Variants in DPP6 observed in about 807,000 individuals in gnomAD.
DPP6 encodes the protein A-type potassium channel modulatory protein DPP6.
A neutral mutation model predicts 122.6 loss-of-function variants in DPP6; 69 were observed. The ratio of observed to expected loss-of-function variants is 0.56; its 90% CI spans 0.46 to 0.69. The LOEUF (loss-of-function observed/expected upper bound fraction) is 0.69. DPP6 is among the 30% of genes least tolerant of loss of function. DPP6 has a pLI of 0.00. For missense variants in DPP6, 928 were observed against 1,116.9 expected (o/e 0.83, Z 2.41); for synonymous variants, 418 against 433.1 (o/e 0.97, Z 0.43).
At chr7:154,100,930 C>T (rs1424417337) in intron 1 of DPP6, among the ~76,000 whole-genome samples, 1 of 143,978 alleles carries the variant, frequency 6.9e-6, no homozygotes, top group African/African-American at 2.5e-5. Flanking sequence ...GCCTGCCCTT[C>T]CTCGTCAAGA....
At chr7:154,042,169 C>G (rs1328612865) in intron 1 of DPP6, among the ~76,000 whole-genome samples, 1 of 152,112 alleles carries the variant, frequency 6.6e-6, no homozygotes, top group Non-Finnish European at 1.5e-5. Context: ...GGGGAGGGGT[C>G]CCTCCTCTGA....
At chr7:154,469,526 A>G (rs945626939) in intron 2 of DPP6, among the ~76,000 whole-genome samples, 2 of 152,186 alleles carry the variant, frequency 1.3e-5, no homozygotes, top group African/African-American at 2.4e-5. Flanking sequence ...ATGGTGAACA[A>G]TCTGCCAGTG....
At chr7:154,541,125 T>A (rs1828690737) in intron 4 of DPP6, among the ~76,000 whole-genome samples, 1 of 152,174 alleles carries the variant, frequency 6.6e-6, no homozygotes, top group Non-Finnish European at 1.5e-5. Flanking sequence ...AAACTTGTTT[T>A]CCCAAATATA....
chr7:154,019,546 A>G (rs1463635804), intron 1 of DPP6, among the ~76,000 whole-genome samples: 2 of 151,900 alleles, frequency 1.3e-5, no homozygotes, highest in African/African-American at 2.4e-5. Context: ...TAATGCACAC[A>G]GTGTAACTAG....
intron 8 of DPP6, among the ~76,000 whole-genome samples, chr7:154,744,524 T>A (rs1051366496): frequency 6.6e-6 from 1 of 152,212 alleles, no homozygotes. Context: ...GGATTCGCAG[T>A]GTGTGATATG....
intron 12 of DPP6, among the ~76,000 whole-genome samples, chr7:154,800,289 A>T (rs1362152200): frequency 6.6e-6 from 1 of 152,236 alleles, no homozygotes; most frequent in Non-Finnish European, 1.5e-5. Flanking sequence ...TTCTCTGGGC[A>T]TATCATATCT....
intron 12 of DPP6, among the ~76,000 whole-genome samples, chr7:154,800,741 C>T (rs1798310984): frequency 2.0e-5 from 3 of 152,156 alleles, no homozygotes; most frequent in African/African-American, 4.8e-5. Context: ...GACTGCTGTC[C>T]CCTCCCACCT....
At chr7:154,478,282 G>C (rs1313635439) in intron 3 of DPP6, among the ~76,000 whole-genome samples, 2 of 152,156 alleles carry the variant, frequency 1.3e-5, no homozygotes, top group Non-Finnish European at 2.9e-5. Context: ...TTCAGTAAGA[G>C]ATTTTTGAGT....
chr7:153,843,989 A>T, the DPP6 span, among the ~76,000 whole-genome samples: 1 of 151,320 alleles, frequency 6.6e-6, no homozygotes, highest in Non-Finnish European at 1.5e-5. Flanking sequence ...GGTGCCCCCC[A>T]TGCATCCGTT....
chr7:153,763,865 T>C, the DPP6 span, among the ~76,000 whole-genome samples: 1 of 152,174 alleles, frequency 6.6e-6, no homozygotes, highest in East Asian at 1.9e-4. Flanking sequence ...TTTCTTGCAA[T>C]CAAATAAGCT....
At chr7:153,901,114 TTTCTTC>T (rs543162178) in intron 1 of DPP6, among the ~76,000 whole-genome samples, 1 of 152,126 alleles carries the variant, frequency 6.6e-6, no homozygotes, top group African/African-American at 2.4e-5. Context: ...CACAAAGGCT[TTTCTTC>T]TTCTTCTTCT....
chr7:153,797,808 A>G, the DPP6 span, among the ~76,000 whole-genome samples: 1 of 152,062 alleles, frequency 6.6e-6, no homozygotes, highest in Non-Finnish European at 1.5e-5. Context: ...TAAGGTAGAG[A>G]GAGGGAGCTC....
intron 16 of DPP6, among the ~76,000 whole-genome samples, chr7:154,840,746 T>C (rs1009092779): frequency 1.3e-5 from 2 of 152,214 alleles, no homozygotes; most frequent in Non-Finnish European, 2.9e-5. Context: ...CAAACTTCAT[T>C]TCAATGATCT....
chr7:154,479,557 C>T (rs1399219447), intron 3 of DPP6, among the ~76,000 whole-genome samples: 1 of 91,240 alleles, frequency 1.1e-5, no homozygotes. Context: ...GACTCCATCT[C>T]AAAAAAAAAA....
Position 154,304,575 on chromosome 7 carries a change from T to C in DPP6, c.244-141639T>C, listed in dbSNP as rs1285815593. ...CACACAGGCTGGAATGTTTTTTTTTTCCTCTCTCTCTCTCCCTGTCTTTCT... is the reference window on the plus strand; with the variant it reads ...CACACAGGCTGGAATGTTTTTTTTTCCCTCTCTCTCTCTCCCTGTCTTTCT... On this transcript the variant is annotated intron_variant, in intron 1 of 25. Transcript: ENST00000377770. Among the ~76,000 whole-genome samples the C allele has an allele frequency of 3.5e-5, 5 of 144,724 alleles. No homozygotes were observed. The East Asian group carries it at 9.7e-4, about 28-fold the overall frequency. 94.9% of individuals were successfully genotyped at this position (144,724 alleles called of 152,430 possible).
intron 1 of DPP6, among the ~76,000 whole-genome samples, chr7:154,215,175 A>T (rs1306485723): frequency 6.6e-6 from 1 of 152,192 alleles, no homozygotes; most frequent in East Asian, 1.9e-4. Context: ...CGGAAGGTGG[A>T]AGGCAAAGGG....
intron 3 of DPP6, among the ~76,000 whole-genome samples, chr7:154,500,278 A>T (rs1825119331): frequency 6.6e-6 from 1 of 152,202 alleles, no homozygotes; most frequent in Admixed American, 6.5e-5. Flanking sequence ...TGACCATTCT[A>T]AAAAACATTG....
At chr7:153,898,849 C>T (rs1285464163) in intron 1 of DPP6, among the ~76,000 whole-genome samples, 5 of 152,184 alleles carry the variant, frequency 3.3e-5, no homozygotes, top group Admixed American at 3.3e-4. Flanking sequence ...GCATAGTCAC[C>T]TCTAAAAGTG....
At chr7:154,217,217 G>A (rs1021060119) in intron 1 of DPP6, among the ~76,000 whole-genome samples, 2 of 152,038 alleles carry the variant, frequency 1.3e-5, no homozygotes, top group African/African-American at 4.8e-5. Flanking sequence ...ACAGTTTGAG[G>A]GTTTACTCTT....
Sources: allele counts gnomAD v4.1 joint callset (sites outside exome capture counted in the v4.1 genomes callset), GRCh38; gene constraint gnomAD v4.1.1; transcripts MANE v1.5; gene names NCBI Gene and HGNC (gene_info 2026-07-23, HGNC 2026-07-21).